The following ADAMTS18 variants were observed in gnomAD, a reference collection of about 807,000 sequenced individuals.
ADAMTS18 encodes ADAM metallopeptidase with thrombospondin type 1 motif 18.
A neutral mutation model predicts 165.9 loss-of-function variants in ADAMTS18; 157 were observed. That is an observed-to-expected ratio of 0.95 (90% CI 0.83 to 1.08). ADAMTS18 has a LOEUF of 1.08. Among genes scored for constraint, ADAMTS18 ranks in the 50% least tolerant of loss-of-function variants. ADAMTS18 has a pLI of 0.00. For synonymous variants in ADAMTS18, 782 were observed against 578.2 expected, an observed-to-expected ratio of 1.35 and a Z score of -5.06; for missense variants, 2,040 against 1,534.0, an observed-to-expected ratio of 1.33 and a Z score of -5.51.
At chr16:77,321,662 T>C (rs1381363085) in intron 14 of ADAMTS18, among the ~76,000 whole-genome samples, 4 of 152,176 alleles carry the variant, frequency 2.6e-5, no homozygotes, top group Non-Finnish European at 4.4e-5. Context: ...TCAAAATACA[T>C]TTGTGAGATT....
chr16:77,384,500 A>T (rs1476580039), intron 3 of ADAMTS18, among the ~76,000 whole-genome samples: 2 of 152,212 alleles, frequency 1.3e-5, no homozygotes, highest in African/African-American at 4.8e-5. Context: ...GGAATATGCA[A>T]AATTCTCTAA....
chr16:77,339,415 T>C (rs906486307), intron 11 of ADAMTS18, among the ~76,000 whole-genome samples: 2 of 152,096 alleles, frequency 1.3e-5, no homozygotes, highest in Non-Finnish European at 2.9e-5. Flanking sequence ...CTGACTTTAT[T>C]TATCTCGTGT....
chr16:77,309,207 T>A (rs964836760), intron 16 of ADAMTS18, among the ~76,000 whole-genome samples: 6 of 142,660 alleles, frequency 4.2e-5, no homozygotes, highest in African/African-American at 1.6e-4. Context: ...CGTGCGCATG[T>A]AGCTGGCTAG....
In ADAMTS18 at chr16:77,293,407, C is replaced by T. The variant is rs2055406406; in HGVS notation, c.3007-149G>A. The T allele has an allele frequency of 7.3e-6, 5 of 681,888 alleles. No individual in the cohort carries two copies. In the Admixed American group the frequency reaches 1.0e-4, roughly 14 times the overall value. The allele number at this position is 681,888 out of a possible 1,614,324, so 42.2% of individuals were successfully genotyped here. On this transcript the variant is annotated intron_variant, in intron 19 of 22. Transcript: ENST00000282849. The stretch of plus-strand genomic sequence containing the variant: ...TTTTTACGAGATCTACTTAACCACC[C>T]CCATTCCCATTACCCACCATACATA...
At chr16:77,290,152 T>A (rs539694313) in intron 21 of ADAMTS18, among the ~76,000 whole-genome samples, 1 of 152,310 alleles carries the variant, frequency 6.6e-6, no homozygotes, top group African/African-American at 2.4e-5. Context: ...TAAGGGCAAG[T>A]CTTGTTATCA....
chr16:77,289,518 GA>G (rs2055322998), intron 21 of ADAMTS18, 107 bp from the exon 22 acceptor site: 4 of 1,338,382 alleles, frequency 3.0e-6, no homozygotes, highest in Non-Finnish European at 4.2e-6. Flanking sequence ...GCCTGCTGAT[GA>G]AACAGATTGG....
At chr16:77,321,011 G>GT (rs1338800895) in intron 15 of ADAMTS18, 68 bp downstream of exon 15, 2 of 1,598,504 alleles carry the variant, frequency 1.3e-6, no homozygotes, top group Non-Finnish European at 1.7e-6. Context: ...CACATTTGGC[G>GT]TGACTCAAAC....
intron 16 of ADAMTS18, 84 bp downstream of exon 16, chr16:77,319,765 G>T: frequency 6.2e-7 from 1 of 1,602,456 alleles, no homozygotes; most frequent in Admixed American, 1.7e-5. Context: ...TGAACTAGAA[G>T]GACTGGAGTT....
intron 7 of ADAMTS18, among the ~76,000 whole-genome samples, chr16:77,360,407 C>T (rs2056695358): frequency 1.3e-5 from 2 of 152,186 alleles, no homozygotes; most frequent in African/African-American, 4.8e-5. Context: ...GAATCAACCA[C>T]AGACATATGG....
At chr16:77,300,722 G>C (rs1016159547) in intron 16 of ADAMTS18, among the ~76,000 whole-genome samples, 1 of 152,022 alleles carries the variant, frequency 6.6e-6, no homozygotes, top group African/African-American at 2.4e-5. Context: ...GTATCATAAA[G>C]AAGAAAGAAA....
intron 3 of ADAMTS18, among the ~76,000 whole-genome samples, chr16:77,412,352 G>C (rs1055105228): frequency 1.3e-5 from 2 of 151,968 alleles, no homozygotes; most frequent in African/African-American, 4.8e-5. Context: ...TTTTGAGACA[G>C]GGTCTCGCTG....
intron 3 of ADAMTS18, among the ~76,000 whole-genome samples, chr16:77,409,429 C>G (rs912293405): frequency 8.5e-5 from 13 of 152,122 alleles, no homozygotes; most frequent in Non-Finnish European, 1.9e-4. Context: ...TAACTGGGGA[C>G]TGGCTTATTC....
Position 77,300,402 on chromosome 16 carries a change from A to G in ADAMTS18, c.2535T>C (p.Ile845=), listed in dbSNP as rs752320639. The G allele has an allele frequency of 2.2e-5, 36 of 1,614,078 alleles. No individual in the cohort carries two copies. Among genetic ancestry groups the G allele is most frequent in the African/African-American group, 4.0e-5 (3 of 75,020 alleles). Residue 845 remains isoleucine, a splice_region_variant and synonymous_variant, in exon 17 of 23, where the codon ATT becomes ATC. Transcript: ENST00000282849. ...GPTNETLVFE[I]LMQGKNPGIA... ...TCCCTGGATTTTTGCCTTGCATCAG[A>G]ATCTGGACAGTGTAAGATAAAAATC...
intron 3 of ADAMTS18, among the ~76,000 whole-genome samples, chr16:77,404,625 T>C (rs2057371563): frequency 6.6e-6 from 1 of 152,326 alleles, no homozygotes; most frequent in Non-Finnish European, 1.5e-5. Flanking sequence ...CTGTTTTGTC[T>C]GTTCTGTTTG....
intron 3 of ADAMTS18, among the ~76,000 whole-genome samples, chr16:77,412,095 G>A (rs118125317): frequency 0.013 from 2,040 of 152,114 alleles, 33 homozygotes; most frequent in Non-Finnish European, 0.022. Context: ...CCTCCCCAAT[G>A]GGTCTCATTC....
intron 7 of ADAMTS18, among the ~76,000 whole-genome samples, chr16:77,361,069 A>C (rs1276978369): frequency 6.7e-6 from 1 of 150,290 alleles, no homozygotes; most frequent in African/African-American, 2.5e-5. Context: ...CTGAGTGACA[A>C]GAACAAGACA....
In ADAMTS18 at chr16:77,300,388, T is replaced by C. The variant is rs762024692; in HGVS notation, c.2549A>G (p.Lys850Arg). The change falls in exon 17 of 23, where the codon AAA becomes AGA. Residue 850 changes from lysine to arginine, a missense_variant. Lys to Arg is a conservative substitution (Grantham distance 26, BLOSUM62 2). Coordinates refer to ENST00000282849, the MANE Select transcript of ADAMTS18 (RefSeq NM_199355.4). ...ATACTTCCAAGCTATCCCTGGATTT[T>C]TGCCTTGCATCAGAATCTGGACAGT... The part of the protein sequence containing the change: ...TLVFEILMQG[K>R]NPGIAWKYAL... 1 of 1,614,118 alleles carries C rather than the reference T, an allele frequency of 6.2e-7. No individual in the cohort carries two copies. Among genetic ancestry groups the C allele is most frequent in the South Asian group, 1.1e-5 (1 of 91,082 alleles).
intron 3 of ADAMTS18, among the ~76,000 whole-genome samples, chr16:77,406,687 T>C (rs566053738): frequency 1.3e-5 from 2 of 152,026 alleles, no homozygotes; most frequent in South Asian, 4.2e-4. Flanking sequence ...CTATACACAA[T>C]AGCAAAGACG....
intron 3 of ADAMTS18, among the ~76,000 whole-genome samples, chr16:77,385,400 T>C (rs1218658298): frequency 6.6e-6 from 1 of 152,210 alleles, no homozygotes; most frequent in Non-Finnish European, 1.5e-5. Flanking sequence ...TTGTATTCTG[T>C]AACTAAGCTG....
Sources: allele counts gnomAD v4.1 joint callset (sites outside exome capture counted in the v4.1 genomes callset), GRCh38; gene constraint gnomAD v4.1.1; transcripts MANE v1.5; gene names NCBI Gene and HGNC (gene_info 2026-07-23, HGNC 2026-07-21).